Variants in DCLRE1C observed in about 807,000 individuals in gnomAD.
The protein encoded by DCLRE1C is protein artemis.
DCLRE1C carries 47 observed loss-of-function variants against 61.4 expected under a neutral mutation model. That is an observed-to-expected ratio of 0.77 (90% CI 0.61 to 0.98). DCLRE1C has a LOEUF of 0.98. Ranked by LOEUF, DCLRE1C falls within the 50% of genes least tolerant of loss-of-function variation. The probability of loss-of-function intolerance (pLI) is 0.00; values close to 1 mark genes in which losing one functional copy is unlikely to be tolerated. For missense variants in DCLRE1C, 858 were observed against 816.0 expected (o/e 1.05, Z -0.63); for synonymous variants, 337 against 287.6 (o/e 1.17, Z -1.74).
At position 14,908,187 on chromosome 10, in the gene DCLRE1C, T is replaced by TTTTTTTTTTTTA. The variant is rs1834628701; in HGVS notation, c.*220_*221insTAAAAAAAAAAA. The TTTTTTTTTTTTA allele has an allele frequency of 2.2e-5, 5 of 230,606 alleles. No homozygotes were observed. The highest frequency in any genetic ancestry group is 1.5e-4 in the South Asian group (1 of 6,872). 14.3% of individuals were successfully genotyped at this position (230,606 alleles called of 1,614,324 possible). On this transcript the variant is annotated 3_prime_UTR_variant, in exon 14 of 14. Coordinates refer to ENST00000378278, the MANE Select transcript of DCLRE1C (RefSeq NM_001033855.3). ...TGGCTTTTTTTTTTTTTTTTTTTTT[T>TTTTTTTTTTTTA]GTAAGTAGAGACACATTTCACTGTG...
At chr10:14,920,413 C>T (rs1836903791) in intron 12 of DCLRE1C, 1 of 1,012,128 alleles carries the variant, frequency 9.9e-7, no homozygotes, top group Non-Finnish European at 1.2e-6. Flanking sequence ...ACTGCCTCCT[C>T]CTGGCAGATT....
At chr10:14,944,962 A>G in intron 3 of DCLRE1C, 143 bp downstream of exon 3, 2 of 610,622 alleles carry the variant, frequency 3.3e-6, no homozygotes, top group South Asian at 1.8e-5. Flanking sequence ...GGTGTAAGCC[A>G]CCATGTCCGG....
chr10:14,950,873 C>T (rs1358804396), intron 1 of DCLRE1C, among the ~76,000 whole-genome samples: 1 of 152,184 alleles, frequency 6.6e-6, no homozygotes, highest in Non-Finnish European at 1.5e-5. Flanking sequence ...GGGAGGTTTT[C>T]CTTTTCCTTG....
exon 14 of DCLRE1C, chr10:14,899,043 A>G (rs1252661948): frequency 5.1e-6 from 3 of 583,640 alleles, no homozygotes; most frequent in African/African-American, 1.9e-5. Flanking sequence ...TTAAAAAGTC[A>G]TAAATCAACC....
chr10:14,929,334 G>A (rs891562820), intron 9 of DCLRE1C, among the ~76,000 whole-genome samples: 2 of 152,154 alleles, frequency 1.3e-5, no homozygotes, highest in Admixed American at 1.3e-4. Context: ...AACCCAGGAG[G>A]TGGAGATTGC....
At chr10:14,949,008 T>G (rs939430970) in intron 2 of DCLRE1C, 28 bp downstream of exon 2, 1 of 1,559,654 alleles carries the variant, frequency 6.4e-7, no homozygotes, top group Non-Finnish European at 8.8e-7. Context: ...AATGTTTGCT[T>G]AAAAACACAA....
chr10:14,935,885 G>C (rs769487177), intron 5 of DCLRE1C, among the ~76,000 whole-genome samples: 157 of 152,174 alleles, frequency 1.0e-3, no homozygotes, highest in Non-Finnish European at 5.4e-4. Flanking sequence ...GGTCACTGGG[G>C]AAACAGCTGC....
intron 3 of DCLRE1C, among the ~76,000 whole-genome samples, chr10:14,944,525 A>G: frequency 6.6e-6 from 1 of 152,006 alleles, no homozygotes; most frequent in South Asian, 2.1e-4. Context: ...AAATATTAAA[A>G]TGCATCTTAG....
At chr10:14,919,902 A>G (rs970594366) in intron 12 of DCLRE1C, 70 bp from the exon 13 acceptor site, 12 of 1,266,036 alleles carry the variant, frequency 9.5e-6, no homozygotes, top group East Asian at 2.3e-5. Context: ...CATTGATAGT[A>G]TTACAAATTT....
chr10:14,934,840 T>C, intron 6 of DCLRE1C, 65 bp from the exon 7 acceptor site: 1 of 1,214,762 alleles, frequency 8.2e-7, no homozygotes, highest in Non-Finnish European at 1.2e-6. Flanking sequence ...ACTTTTTTTG[T>C]TTTTTGAGAT....
rs1834458358 is a variant in DCLRE1C at position 14,907,059 on chromosome 10, C to G, written c.*1349G>C. Among the ~76,000 whole-genome samples, 1 of 151,568 alleles carries G rather than the reference C, an allele frequency of 6.6e-6. No homozygotes were observed. The highest frequency in any genetic ancestry group is 6.6e-5 in the Admixed American group (1 of 15,214). Reference sequence around the variant, plus strand: ...AACATTTTGTGGAGACAGGGTCTCCCTGTGTGTTGCCCAGGCTGGACTCAA... The same window carrying G: ...AACATTTTGTGGAGACAGGGTCTCCGTGTGTGTTGCCCAGGCTGGACTCAA... On this transcript the variant is annotated 3_prime_UTR_variant, in exon 14 of 14. Transcript: ENST00000378278.
upstream of DCLRE1C, chr10:14,954,237 C>G: frequency 1.5e-6 from 1 of 660,864 alleles, no homozygotes; most frequent in Non-Finnish European, 2.6e-6. Flanking sequence ...CTTCGCTGCA[C>G]GCGATGGGCC....
intron 11 of DCLRE1C, among the ~76,000 whole-genome samples, chr10:14,926,580 G>T (rs1838013853): frequency 2.0e-5 from 3 of 151,458 alleles, no homozygotes; most frequent in Non-Finnish European, 4.4e-5. Flanking sequence ...CCTGAACCCA[G>T]GAGGCAGAGG....
At chr10:14,952,047 G>T (rs1842533491) in intron 1 of DCLRE1C, among the ~76,000 whole-genome samples, 2 of 152,194 alleles carry the variant, frequency 1.3e-5, no homozygotes, top group Admixed American at 6.5e-5. Context: ...AGAAAAAGTT[G>T]TTATAGACTG....
At position 14,932,610 on chromosome 10, in the gene DCLRE1C, TG is replaced by T. The variant is rs558606027; in HGVS notation, c.780+243del. Among the ~76,000 whole-genome samples, 796 of 152,014 alleles carry T rather than the reference TG, an allele frequency of 5.2e-3. 5 individuals carry two copies. The highest frequency in any genetic ancestry group is 0.018 in the African/African-American group (755 of 41,428). On this transcript the variant is annotated intron_variant, in intron 9 of 13. Transcript: ENST00000378278. ...TAGATCGCACCACTGCACTCCAGCC[TG>T]GGCGACAGAGTGAGACTCCATCTCA...
chr10:14,930,342 A>G (rs1236929055), intron 9 of DCLRE1C, among the ~76,000 whole-genome samples: 1 of 131,748 alleles, frequency 7.6e-6, no homozygotes, highest in African/African-American at 2.9e-5. Flanking sequence ...CACGTTACCC[A>G]GGCTGGTCTC....
chr10:14,932,587 G>T (rs901879806), intron 9 of DCLRE1C, among the ~76,000 whole-genome samples: 2 of 152,052 alleles, frequency 1.3e-5, no homozygotes, highest in Non-Finnish European at 2.9e-5. Flanking sequence ...AGTGAGCCTA[G>T]ATCGCACCAC....
intron 9 of DCLRE1C, among the ~76,000 whole-genome samples, chr10:14,931,353 T>A (rs1256181987): frequency 6.6e-6 from 1 of 151,116 alleles, no homozygotes; most frequent in East Asian, 2.0e-4. Context: ...AGGTTAGGAG[T>A]TCGAGACCAG....
rs1288736896 is a variant in DCLRE1C, at chr10:14,945,196, G to A, written c.162-7C>T. ...GTATAGATAAACCTTCAAGCTGAAA[G>A]GAAAAAAGAAAAAAACTTTCAGTAC... On this transcript the variant is annotated splice_polypyrimidine_tract_variant and splice_region_variant and intron_variant, in intron 2 of 13. Transcript: ENST00000378278. 5 of 1,609,760 alleles carry A rather than the reference G, an allele frequency of 3.1e-6. No homozygotes were observed. The highest frequency in any genetic ancestry group is 4.2e-6 in the Non-Finnish European group (5 of 1,177,988).
Sources: gnomAD v4.1 joint callset for allele counts (sites outside exome capture counted in the v4.1 genomes callset) on GRCh38, gnomAD v4.1.1 for gene constraint, MANE v1.5 for transcripts, NCBI Gene and HGNC (gene_info 2026-07-23, HGNC 2026-07-21) for gene names.